Variants in FGF12 observed in about 807,000 individuals in gnomAD.
FGF12 encodes the protein fibroblast growth factor 12.
Under a neutral mutation model 23.6 loss-of-function variants are expected in FGF12, and 14 were observed. The ratio of observed to expected loss-of-function variants is 0.59; its 90% CI spans 0.39 to 0.93. FGF12 has a LOEUF of 0.93. Among genes scored for constraint, FGF12 ranks in the 40% least tolerant of loss-of-function variants. The probability of loss-of-function intolerance (pLI) is 0.00; values close to 1 mark genes in which losing one functional copy is unlikely to be tolerated. For missense variants in FGF12, 175 were observed against 217.8 expected, an observed-to-expected ratio of 0.80 and a Z score of 1.24; for synonymous variants, 62 against 77.3, an observed-to-expected ratio of 0.80 and a Z score of 1.04.
intron 4 of FGF12, among the ~76,000 whole-genome samples, chr3:192,329,913 G>A (rs1717020249): frequency 6.6e-6 from 1 of 152,000 alleles, no homozygotes; most frequent in Non-Finnish European, 1.5e-5. Context: ...TTTCCAACAT[G>A]CTTAACCTTC....
At chr3:192,640,146 G>T (rs1474301700) in intron 2 of FGF12, among the ~76,000 whole-genome samples, 1 of 152,152 alleles carries the variant, frequency 6.6e-6, no homozygotes, top group African/African-American at 2.4e-5. Flanking sequence ...GGTACAACAT[G>T]AGGACTACAG....
chr3:192,385,733 C>T (rs771532773), intron 2 of FGF12, among the ~76,000 whole-genome samples: 2 of 152,170 alleles, frequency 1.3e-5, no homozygotes, highest in Non-Finnish European at 2.9e-5. Flanking sequence ...ATACTCTCTG[C>T]CATGCAATTT....
rs906958432 is a variant in FGF12, at chr3:192,141,133, A to G, written c.*2876T>C. Reference sequence around the variant, plus strand: ...GAAAAATCCCAATGCAACTCCAAAAAAAAAAAAAAAAAAAAAAAAAAGCTT... The same window carrying G: ...GAAAAATCCCAATGCAACTCCAAAAGAAAAAAAAAAAAAAAAAAAAAGCTT... On this transcript the variant is annotated 3_prime_UTR_variant, in exon 6 of 6. Coordinates refer to ENST00000445105, the MANE Select transcript of FGF12 (RefSeq NM_004113.6). 1 of 144,702 alleles carries G rather than the reference A, an allele frequency of 6.9e-6. No individual in the cohort carries two copies. Among genetic ancestry groups the G allele is most frequent in the Non-Finnish European group, 1.5e-5 (1 of 66,328 alleles). 9.0% of individuals were successfully genotyped at this position (144,702 alleles called of 1,614,324 possible). A position where few individuals can be genotyped will look rare whatever the true frequency, so the allele number is the denominator to read the frequency against.
intron 2 of FGF12, among the ~76,000 whole-genome samples, chr3:192,522,359 GAA>G (rs562855076): frequency 3.0e-4 from 46 of 152,178 alleles, no homozygotes; most frequent in Non-Finnish European, 2.4e-4. Context: ...TTAAACATTT[GAA>G]AAGTCATCAG....
At chr3:192,171,546 TCATATCCTAA>T (rs1715559942) in intron 4 of FGF12, among the ~76,000 whole-genome samples, 1 of 152,166 alleles carries the variant, frequency 6.6e-6, no homozygotes, top group Non-Finnish European at 1.5e-5. Context: ...TACAATAAAA[TCATATCCTAA>T]CATGTCACAT....
intron 2 of FGF12, among the ~76,000 whole-genome samples, chr3:192,366,405 A>T (rs1718986003): frequency 6.6e-6 from 1 of 152,164 alleles, no homozygotes; most frequent in African/African-American, 2.4e-5. Context: ...CAATAATGAA[A>T]ATTATGTAAT....
At chr3:192,262,938 T>C (rs1577295445) in intron 4 of FGF12, among the ~76,000 whole-genome samples, 1 of 151,996 alleles carries the variant, frequency 6.6e-6, no homozygotes, top group South Asian at 2.1e-4. Context: ...ATTTCAATAA[T>C]TTCTAAAACG....
At chr3:192,690,273 T>A (rs1043923193) in intron 2 of FGF12, among the ~76,000 whole-genome samples, 1 of 151,992 alleles carries the variant, frequency 6.6e-6, no homozygotes, top group African/African-American at 2.4e-5. Flanking sequence ...AATACTGAAA[T>A]GGTTGTGTGT....
At position 192,417,041 on chromosome 3, in the gene FGF12, G is replaced by A. The variant is rs115281065; in HGVS notation, c.14-56503C>T. 4.6e-3 allele frequency among the ~76,000 whole-genome samples: 699 copies of A among 152,232 alleles called. 5 individuals carry two copies. Among genetic ancestry groups the A allele is most frequent in the African/African-American group, 0.016 (671 of 41,550 alleles). On this transcript the variant is annotated intron_variant, in intron 2 of 5. Transcript: ENST00000445105. ...GTGTTAACTGCAAGGGATCTCATGA[G>A]GTCATCAGCCTACTCTAGGTAATGT...
intron 2 of FGF12, among the ~76,000 whole-genome samples, chr3:192,597,450 T>C (rs964657942): frequency 4.6e-5 from 7 of 152,208 alleles, no homozygotes; most frequent in African/African-American, 1.7e-4. Context: ...ATATTGTATT[T>C]CCATTTGACT....
chr3:192,169,835 G>GA (rs71177351), intron 5 of FGF12, among the ~76,000 whole-genome samples: 49,289 of 139,342 alleles, frequency 0.35, 9,427 homozygotes, highest in East Asian at 0.51. Flanking sequence ...GGTTTCCTCA[G>GA]AAAAAAAAAA....
At chr3:192,328,823 A>G (rs1324868544) in intron 4 of FGF12, among the ~76,000 whole-genome samples, 1 of 152,204 alleles carries the variant, frequency 6.6e-6, no homozygotes, top group East Asian at 1.9e-4. Context: ...TATCTATTTC[A>G]TTCATCTTTA....
In FGF12 at chr3:192,408,444, C is replaced by T; in HGVS notation, c.14-47906G>A. Reference sequence around the variant, plus strand: ...TGTGAAAATCCAGATGTAAACTTCCCCAACCTCTGGCGGCCGGGGGGCGGG... The same window carrying T: ...TGTGAAAATCCAGATGTAAACTTCCTCAACCTCTGGCGGCCGGGGGGCGGG... On this transcript the variant is annotated intron_variant, in intron 2 of 5. Transcript: ENST00000445105. This position sits in a 1 kb window ranked among gnomAD's most constrained non-coding sequence, Gnocchi z 7.3. The T allele has an allele frequency of 7.2e-7, 1 of 1,383,716 alleles. No homozygotes were observed. The highest frequency in any genetic ancestry group is 9.3e-7 in the Non-Finnish European group (1 of 1,074,836). 85.7% of individuals were successfully genotyped at this position (1,383,716 alleles called of 1,614,324 possible). A position where few individuals can be genotyped will look rare whatever the true frequency, so the allele number is the denominator to read the frequency against.
intron 2 of FGF12, among the ~76,000 whole-genome samples, chr3:192,717,757 T>C (rs1211372732): frequency 6.6e-6 from 1 of 152,236 alleles, no homozygotes; most frequent in African/African-American, 2.4e-5. Context: ...AATTAGTGCA[T>C]ATATCCACAT....
At chr3:192,201,606 T>C (rs918196490) in intron 4 of FGF12, among the ~76,000 whole-genome samples, 6 of 152,296 alleles carry the variant, frequency 3.9e-5, no homozygotes, top group Admixed American at 3.9e-4. Flanking sequence ...CCCAGTCTTA[T>C]ATTCATCCCT....
At chr3:192,436,921 T>C (rs867322031) in intron 2 of FGF12, among the ~76,000 whole-genome samples, 1 of 152,338 alleles carries the variant, frequency 6.6e-6, no homozygotes, top group East Asian at 1.9e-4. Flanking sequence ...GATTAATGTA[T>C]GAAATTATCT....
At chr3:192,259,340 A>G (rs1712598330) in intron 4 of FGF12, among the ~76,000 whole-genome samples, 1 of 152,188 alleles carries the variant, frequency 6.6e-6, no homozygotes, top group Non-Finnish European at 1.5e-5. Context: ...AATAAGAACC[A>G]TAACAATAGA....
intron 2 of FGF12, among the ~76,000 whole-genome samples, chr3:192,633,185 A>G (rs1299857111): frequency 6.6e-6 from 1 of 152,046 alleles, no homozygotes; most frequent in Non-Finnish European, 1.5e-5. Flanking sequence ...AGCTGGGATT[A>G]CAGGTGCACA....
At chr3:192,526,297 A>G (rs1457730093) in intron 2 of FGF12, among the ~76,000 whole-genome samples, 1 of 152,172 alleles carries the variant, frequency 6.6e-6, no homozygotes, top group Non-Finnish European at 1.5e-5. Context: ...ATAGTCTCTG[A>G]TTTCCAAAAA....
Sources: allele counts gnomAD v4.1 joint callset (sites outside exome capture counted in the v4.1 genomes callset), GRCh38; gene constraint gnomAD v4.1.1; non-coding constraint Gnocchi (gnomAD v3.1); transcripts MANE v1.5; gene names NCBI Gene and HGNC (gene_info 2026-07-23, HGNC 2026-07-21).